Variants in ENOX1 observed in about 807,000 individuals in gnomAD.
ENOX1 encodes the protein ecto-NOX disulfide-thiol exchanger 1, also known as candidate growth-related and time keeping constitutive hydroquinone (NADH) oxidase.
In ENOX1, 42 loss-of-function variants were observed where a neutral mutation model predicts 82.5. The ratio of observed to expected loss-of-function variants is 0.51; its 90% CI spans 0.40 to 0.66. The LOEUF (loss-of-function observed/expected upper bound fraction) is 0.66, where lower values mean the gene tolerates loss of function less well. Ranked by LOEUF, ENOX1 falls within the 30% of genes least tolerant of loss-of-function variation. The probability of loss-of-function intolerance (pLI) is 0.00; values close to 1 mark genes in which losing one functional copy is unlikely to be tolerated. For missense variants in ENOX1, 608 were observed against 811.6 expected (o/e 0.75, Z 3.05); for synonymous variants, 271 against 282.2 (o/e 0.96, Z 0.40).
At chr13:43,660,515 A>G (rs2084666352) in intron 2 of ENOX1, among the ~76,000 whole-genome samples, 1 of 152,260 alleles carries the variant, frequency 6.6e-6, no homozygotes, top group South Asian at 2.1e-4. Context: ...TTTTGGATTT[A>G]GATGAAACTA....
intron 5 of ENOX1, among the ~76,000 whole-genome samples, chr13:43,405,891 A>G (rs187546054): frequency 1.2e-3 from 178 of 152,334 alleles, no homozygotes; most frequent in African/African-American, 4.1e-3. Context: ...GACATCCTAT[A>G]GCACCCTTTA....
At chr13:43,748,757 T>A (rs1474477570) in intron 1 of ENOX1, among the ~76,000 whole-genome samples, 1 of 152,184 alleles carries the variant, frequency 6.6e-6, no homozygotes, top group Non-Finnish European at 1.5e-5. Flanking sequence ...AAGTACTAAA[T>A]AACTTACAGC....
At chr13:43,453,653 G>A (rs1318955787) in intron 3 of ENOX1, among the ~76,000 whole-genome samples, 1 of 152,108 alleles carries the variant, frequency 6.6e-6, no homozygotes, top group African/African-American at 2.4e-5. Context: ...TATTATCCGG[G>A]GTCCCTCAAA....
chr13:43,713,217 A>G lies in ENOX1; in HGVS notation c.-284-45673T>C, dbSNP rs1396709129. 5.9e-5 allele frequency among the ~76,000 whole-genome samples: 9 copies of G among 152,260 alleles called. No individual in the cohort carries two copies. The South Asian group carries it at 1.2e-3, about 21-fold the overall frequency. ...TCTGTTTATATGCTGGATTACATTTATTGATTTGTGTATATTGAACCAGCC... is the reference window on the plus strand; with the variant it reads ...TCTGTTTATATGCTGGATTACATTTGTTGATTTGTGTATATTGAACCAGCC... On this transcript the variant is annotated intron_variant, in intron 1 of 16. Coordinates refer to ENST00000690772, the MANE Select transcript of ENOX1 (RefSeq NM_001347969.2).
At chr13:43,761,256 G>C (rs760872065) in intron 1 of ENOX1, among the ~76,000 whole-genome samples, 4 of 152,084 alleles carry the variant, frequency 2.6e-5, no homozygotes, top group Non-Finnish European at 5.9e-5. Context: ...TAAAACCAGT[G>C]AAAATTTTTA....
chr13:43,512,541 A>AT (rs1228474768), intron 2 of ENOX1, among the ~76,000 whole-genome samples: 1 of 152,144 alleles, frequency 6.6e-6, no homozygotes, highest in Non-Finnish European at 1.5e-5. Context: ...TAAATACTAC[A>AT]TAATAAAACA....
intron 14 of ENOX1, among the ~76,000 whole-genome samples, chr13:43,254,778 A>G (rs2043652324): frequency 6.6e-6 from 1 of 152,226 alleles, no homozygotes; most frequent in Non-Finnish European, 1.5e-5. Context: ...ACAAATCGGA[A>G]CACCTAGAAG....
At chr13:43,515,512 CT>C (rs1342373746) in intron 2 of ENOX1, among the ~76,000 whole-genome samples, 1 of 152,108 alleles carries the variant, frequency 6.6e-6, no homozygotes, top group Non-Finnish European at 1.5e-5. Context: ...TTTCTACATC[CT>C]AGGTCTTGTT....
chr13:43,682,565 T>C (rs2085847158), intron 1 of ENOX1, among the ~76,000 whole-genome samples: 1 of 152,108 alleles, frequency 6.6e-6, no homozygotes, highest in Non-Finnish European at 1.5e-5. Flanking sequence ...GTAGTTACCA[T>C]TCTCATTCAT....
At chr13:43,378,476 C>A (rs2051801020) in intron 5 of ENOX1, among the ~76,000 whole-genome samples, 1 of 152,098 alleles carries the variant, frequency 6.6e-6, no homozygotes, top group Non-Finnish European at 1.5e-5. Flanking sequence ...AAGAAACACC[C>A]AAAAGGTTTA....
chr13:43,592,428 T>G (rs1362433720), intron 2 of ENOX1, among the ~76,000 whole-genome samples: 1 of 152,224 alleles, frequency 6.6e-6, no homozygotes, highest in Non-Finnish European at 1.5e-5. Context: ...ATAGATAATT[T>G]AAAATACCAT....
intron 1 of ENOX1, among the ~76,000 whole-genome samples, chr13:43,715,962 T>C (rs2088095696): frequency 2.0e-5 from 3 of 152,222 alleles, no homozygotes; most frequent in African/African-American, 4.8e-5. Flanking sequence ...ATTCGTCTAA[T>C]TTTTTCTCAA....
chr13:43,593,381 C>T (rs2081324350), intron 2 of ENOX1, among the ~76,000 whole-genome samples: 1 of 151,892 alleles, frequency 6.6e-6, no homozygotes, highest in Admixed American at 6.6e-5. Flanking sequence ...CTTGAGAAGC[C>T]ACTGCAGGAG....
chr13:43,391,639 A>T (rs1012621934), intron 5 of ENOX1, among the ~76,000 whole-genome samples: 1 of 152,050 alleles, frequency 6.6e-6, no homozygotes, highest in African/African-American at 2.4e-5. Flanking sequence ...CTCCCCTGTC[A>T]TCTAATCCAT....
At chr13:43,586,004 T>A (rs1369079138) in intron 2 of ENOX1, among the ~76,000 whole-genome samples, 1 of 152,272 alleles carries the variant, frequency 6.6e-6, no homozygotes, top group Non-Finnish European at 1.5e-5. Flanking sequence ...ATGTATCATC[T>A]GAAATATTTA....
At chr13:43,482,857 C>G (rs982051194) in intron 3 of ENOX1, among the ~76,000 whole-genome samples, 1 of 152,096 alleles carries the variant, frequency 6.6e-6, no homozygotes, top group Non-Finnish European at 1.5e-5. Flanking sequence ...TGATATCCTA[C>G]TGAATTGACA....
chr13:43,666,569 C>A (rs57962354), intron 2 of ENOX1, among the ~76,000 whole-genome samples: 1 of 152,046 alleles, frequency 6.6e-6, no homozygotes, highest in Non-Finnish European at 1.5e-5. Context: ...GAAAGGCCTG[C>A]GACAGATTCT....
chr13:43,341,663 C>G (rs527414644), intron 9 of ENOX1, among the ~76,000 whole-genome samples: 1 of 152,234 alleles, frequency 6.6e-6, no homozygotes, highest in East Asian at 1.9e-4. Flanking sequence ...TGATTTGTAT[C>G]AGATGGAATG....
At chr13:43,333,186 A>G (rs2048505980) in intron 9 of ENOX1, among the ~76,000 whole-genome samples, 1 of 152,228 alleles carries the variant, frequency 6.6e-6, no homozygotes, top group African/African-American at 2.4e-5. Flanking sequence ...TCTTTATAAA[A>G]AATTCTTAGC....
Sources: gnomAD v4.1 joint callset for allele counts (sites outside exome capture counted in the v4.1 genomes callset) on GRCh38, gnomAD v4.1.1 for gene constraint, MANE v1.5 for transcripts, NCBI Gene and HGNC (gene_info 2026-07-23, HGNC 2026-07-21) for gene names.